NIPBL: variants seen among roughly 807,000 people sequenced by gnomAD.
NIPBL encodes the protein NIPBL cohesin loading factor.
A neutral mutation model predicts 321.8 loss-of-function variants in NIPBL; 19 were observed. The observed-to-expected ratio is 0.06, with a 90% CI of 0.04 to 0.09. The LOEUF (loss-of-function observed/expected upper bound fraction) is 0.09. Ranked by LOEUF, NIPBL falls within the 10% of genes least tolerant of loss-of-function variation. The pLI, the probability that NIPBL is intolerant of heterozygous loss-of-function variation, is 1.00. For missense variants in NIPBL, 2,210 were observed against 3,327.0 expected (o/e 0.66, Z 8.26); for synonymous variants, 1,106 against 1,114.1 (o/e 0.99, Z 0.14).
chr5:37,000,596 C>G lies in NIPBL; in HGVS notation c.3502+26C>G, dbSNP rs932853644. On this transcript the variant is annotated intron_variant, in intron 12 of 46. Coordinates refer to ENST00000282516, the MANE Select transcript of NIPBL (RefSeq NM_133433.4). ...GTAATTCATCAGTGTCAACGGATTT[C>G]TTACATAAACCAATTTAAATTTAGG... 3 of 1,605,420 alleles carry G rather than the reference C, an allele frequency of 1.9e-6. No individual in the cohort carries two copies. In the Admixed American group the frequency reaches 5.0e-5, roughly 27 times the overall value.
At chr5:36,923,555 C>A (rs1470734145) in intron 1 of NIPBL, among the ~76,000 whole-genome samples, 1 of 152,060 alleles carries the variant, frequency 6.6e-6, no homozygotes, top group Non-Finnish European at 1.5e-5. Context: ...CTTTCTGTGG[C>A]CTGAAACATT....
chr5:37,064,977 T>C lies in NIPBL; in HGVS notation c.*85T>C, dbSNP rs1366895118. ...ATACCAACATTCTGGCAAAAAAAAA[T>C]CAGTTTTATGAAGAGTAAGTGGAAC... On this transcript the variant is annotated 3_prime_UTR_variant, in exon 47 of 47. Transcript: ENST00000282516. The C allele has an allele frequency of 1.9e-6, 3 of 1,545,462 alleles. No individual in the cohort carries two copies. In the African/African-American group the frequency reaches 4.1e-5, roughly 21 times the overall value.
intron 32 of NIPBL, 48 bp downstream of exon 32, chr5:37,027,460 T>C: frequency 7.0e-7 from 1 of 1,426,260 alleles, no homozygotes; most frequent in Non-Finnish European, 9.9e-7. Flanking sequence ...ATAGGTTAGT[T>C]TTTTGTTGTT....
rs371073215 is a variant in NIPBL at position 36,985,027 on chromosome 5, G to C, written c.1847G>C (p.Ser616Thr). 1 of 1,613,900 alleles carries C rather than the reference G, an allele frequency of 6.2e-7. No homozygotes were observed. Among genetic ancestry groups the C allele is most frequent in the Admixed American group, 1.7e-5 (1 of 59,882 alleles). The change falls in exon 10 of 47, where the codon AGT (serine) becomes ACT (threonine). Residue 616 changes from serine (S) to threonine (T), a missense_variant. By Grantham distance (58) the Ser-to-Thr change is moderately conservative. This residue lies in a region of NIPBL where 588 missense variants were observed against 564.1 expected (regional missense o/e 1.04). Transcript: ENST00000282516. ...PELSKSEMKQ[S>T]ESRLAESKPN... is the part of the protein sequence containing the mutation. The stretch of plus-strand genomic sequence containing the variant: ...CTTTCAAAGAGTGAAATGAAACAAA[G>C]TGAAAGTAGATTAGCAGAATCTAAA...
At position 36,996,370 on chromosome 5, in the gene NIPBL, A is replaced by T. The variant is rs1415061612; in HGVS notation, c.3304+566A>T. On this transcript the variant is annotated intron_variant, in intron 11 of 46. Transcript: ENST00000282516. The surrounding 1 kb of genome is among the most constrained non-coding windows in gnomAD (Gnocchi z 5.0). ...AAACCATACTATCACTAAATTATGA[A>T]TGGATTAGCCACATTGCAGATTATC... 4.4e-6 allele frequency: 2 copies of T among 455,704 alleles called. No homozygotes were observed. The highest frequency in any genetic ancestry group is 8.8e-6 in the Non-Finnish European group (2 of 226,600). 28.2% of individuals were successfully genotyped at this position (455,704 alleles called of 1,614,324 possible). A position where few individuals can be genotyped will look rare whatever the true frequency, so the allele number is the denominator to read the frequency against.
chr5:37,003,696 CATGTG>C (rs1747086879), intron 16 of NIPBL, among the ~76,000 whole-genome samples: 1 of 151,962 alleles, frequency 6.6e-6, no homozygotes, highest in African/African-American at 2.4e-5. Flanking sequence ...AAATGACTCT[CATGTG>C]GGGGAAATTT....
intron 1 of NIPBL, among the ~76,000 whole-genome samples, chr5:36,913,285 A>G (rs942569134): frequency 5.9e-5 from 9 of 152,192 alleles, no homozygotes; most frequent in Non-Finnish European, 1.2e-4. Context: ...CACACACAAA[A>G]AAGTATGTGT....
At chr5:37,048,174 A>C (rs1020795527) in intron 38 of NIPBL, among the ~76,000 whole-genome samples, 10 of 152,104 alleles carry the variant, frequency 6.6e-5, no homozygotes, top group Non-Finnish European at 1.5e-4. Flanking sequence ...CCAAGGTCAC[A>C]CTACAAGTCA....
At chr5:37,032,191 A>G (rs1751107305) in intron 32 of NIPBL, among the ~76,000 whole-genome samples, 1 of 152,194 alleles carries the variant, frequency 6.6e-6, no homozygotes. Context: ...ATATTGGTGT[A>G]GGGACTTGAG....
At chr5:37,005,764 T>C (rs908176191) in intron 16 of NIPBL, among the ~76,000 whole-genome samples, 19 of 152,168 alleles carry the variant, frequency 1.2e-4, no homozygotes, top group African/African-American at 1.9e-4. Context: ...TAATTTGCAA[T>C]GTCAAGTTGC....
Position 36,952,053 on chromosome 5 carries a change from T to TGTGTGTGTGTGTGTGTGCGCGCGC in NIPBL, c.-79-1564_-79-1563insTGTGTGTGTGTGTGTGCGCGCGCG, listed in dbSNP as rs778597604. On this transcript the variant is annotated intron_variant, in intron 1 of 46. Coordinates refer to ENST00000282516, the MANE Select transcript of NIPBL (RefSeq NM_133433.4). ...GTGTGTGTGTGTGTGTGTGTGTGTG[T>TGTGTGTGTGTGTGTGTGCGCGCGC]GCGCGCGCGCGCGCGCGCGCATGTG... 1.5e-4 allele frequency among the ~76,000 whole-genome samples: 17 copies of TGTGTGTGTGTGTGTGTGCGCGCGC among 112,108 alleles called. 1 individual carries two copies. Among genetic ancestry groups the TGTGTGTGTGTGTGTGTGCGCGCGC allele is most frequent in the East Asian group, 7.0e-4 (2 of 2,856 alleles). 73.5% of individuals were successfully genotyped at this position (112,108 alleles called of 152,430 possible). A position where few individuals can be genotyped will look rare whatever the true frequency, so the allele number is the denominator to read the frequency against.
intron 41 of NIPBL, 152 bp from the exon 42 acceptor site, chr5:37,052,214 C>T: frequency 1.5e-6 from 1 of 684,190 alleles, no homozygotes; most frequent in Non-Finnish European, 2.5e-6. Context: ...GAGATAATCT[C>T]TAATGTTCCT....
In NIPBL at chr5:37,021,934, A is replaced by G. The variant is rs553137992; in HGVS notation, c.5329-117A>G. 1.3e-4 allele frequency: 100 copies of G among 789,174 alleles called. No homozygotes were observed. In the Middle Eastern group the frequency reaches 2.6e-3, roughly 21 times the overall value. 48.9% of individuals were successfully genotyped at this position (789,174 alleles called of 1,614,324 possible). A position where few individuals can be genotyped will look rare whatever the true frequency, so the allele number is the denominator to read the frequency against. On this transcript the variant is annotated intron_variant, in intron 27 of 46. Transcript: ENST00000282516. ...TAGGAAAGATCCTTTACTCATTTAT[A>G]TACAGATTAAAGAGAGGTAAATAAT... is the stretch of plus-strand genomic sequence containing the variant.
At chr5:36,936,859 A>G (rs900323006) in intron 1 of NIPBL, among the ~76,000 whole-genome samples, 2 of 151,968 alleles carry the variant, frequency 1.3e-5, no homozygotes, top group African/African-American at 2.4e-5. Flanking sequence ...AAAAAAAAGT[A>G]AAACAACTAG....
At chr5:36,889,723 C>T (rs1746176044) in intron 1 of NIPBL, among the ~76,000 whole-genome samples, 1 of 151,910 alleles carries the variant, frequency 6.6e-6, no homozygotes, top group African/African-American at 2.4e-5. Flanking sequence ...AGATAAACAC[C>T]ACAGTTTTAG....
At chr5:36,888,951 A>G (rs1228961874) in intron 1 of NIPBL, among the ~76,000 whole-genome samples, 2 of 152,174 alleles carry the variant, frequency 1.3e-5, no homozygotes, top group East Asian at 3.8e-4. Context: ...ATATTTTGGA[A>G]TGAATAGAAT....
intron 1 of NIPBL, among the ~76,000 whole-genome samples, chr5:36,893,113 A>G (rs1746468725): frequency 6.6e-6 from 1 of 152,112 alleles, no homozygotes; most frequent in African/African-American, 2.4e-5. Flanking sequence ...AAGTTCTCTT[A>G]GGGCCTTTCT....
At chr5:36,906,099 A>G (rs2149539690) in intron 1 of NIPBL, among the ~76,000 whole-genome samples, 1 of 152,320 alleles carries the variant, frequency 6.6e-6, no homozygotes, top group Admixed American at 6.5e-5. Context: ...ACATATTAAA[A>G]TGTCATTTCA....
chr5:37,030,380 T>TATAC (rs1273919861), intron 32 of NIPBL, among the ~76,000 whole-genome samples: 7 of 151,584 alleles, frequency 4.6e-5, no homozygotes, highest in Non-Finnish European at 8.8e-5. Flanking sequence ...AGCAAACTCA[T>TATAC]ATATATATAT....
Sources: gnomAD v4.1 joint callset for allele counts (sites outside exome capture counted in the v4.1 genomes callset) on GRCh38, gnomAD v4.1.1 for gene constraint, gnomAD v4.1.1 regional missense constraint, Gnocchi (gnomAD v3.1) non-coding constraint, MANE v1.5 for transcripts, NCBI Gene and HGNC (gene_info 2026-07-23, HGNC 2026-07-21) for gene names.